The following DCC variants were observed in gnomAD, a reference collection of about 807,000 sequenced individuals.
The protein encoded by DCC is netrin receptor DCC.
Under a neutral mutation model 172.5 loss-of-function variants are expected in DCC, and 58 were observed. The observed-to-expected ratio is 0.34, with a 90% CI of 0.27 to 0.42. The LOEUF (loss-of-function observed/expected upper bound fraction) is 0.42, where lower values mean the gene tolerates loss of function less well. Ranked by LOEUF, DCC falls within the 10% of genes least tolerant of loss-of-function variation. DCC has a pLI of 1.00. For missense variants in DCC, 1,740 were observed against 1,791.0 expected (o/e 0.97, Z 0.51); for synonymous variants, 709 against 644.5 (o/e 1.10, Z -1.52).
Position 53,113,313 on chromosome 18 carries a change from G to A in DCC, c.1262-44043G>A, listed in dbSNP as rs191973812. ...CGTAAGATTTATTTTTATGTAGTTG[G>A]ATATAATTTATTAATTCGATTTCAA... On this transcript the variant is annotated intron_variant, in intron 7 of 28. Coordinates refer to ENST00000442544, the MANE Select transcript of DCC (RefSeq NM_005215.4). Among the ~76,000 whole-genome samples the A allele has an allele frequency of 1.9e-3, 283 of 151,458 alleles. 3 individuals are homozygous for A. The highest frequency in any genetic ancestry group is 0.016 in the South Asian group (79 of 4,818).
chr18:53,471,897 G>A (rs2045701056), intron 25 of DCC, among the ~76,000 whole-genome samples: 1 of 151,792 alleles, frequency 6.6e-6, no homozygotes, highest in African/African-American at 2.4e-5. Context: ...GTGGTTTTGT[G>A]TTTGTTATTT....
At chr18:52,396,616 C>T (rs1986240818) in intron 1 of DCC, among the ~76,000 whole-genome samples, 1 of 152,064 alleles carries the variant, frequency 6.6e-6, no homozygotes, top group African/African-American at 2.4e-5. Context: ...GCTTTTACAA[C>T]TCTCACTGGG....
intron 12 of DCC, among the ~76,000 whole-genome samples, chr18:53,241,019 T>C (rs764653878): frequency 6.6e-6 from 1 of 152,148 alleles, no homozygotes; most frequent in Non-Finnish European, 1.5e-5. Flanking sequence ...TCCTCAGCAA[T>C]ATTACTTACC....
chr18:52,818,826 C>T (rs2038351393), intron 2 of DCC, among the ~76,000 whole-genome samples: 1 of 152,080 alleles, frequency 6.6e-6, no homozygotes, highest in Non-Finnish European at 1.5e-5. Flanking sequence ...CCATTTGGTG[C>T]AATAAAGAAT....
At chr18:52,914,652 A>C (rs894989777) in intron 3 of DCC, among the ~76,000 whole-genome samples, 1 of 53,964 alleles carries the variant, frequency 1.9e-5, no homozygotes, top group African/African-American at 4.5e-5. Flanking sequence ...AGAATATTCT[A>C]AACACAGAGT....
At chr18:53,269,987 G>A (rs553952538) in intron 12 of DCC, among the ~76,000 whole-genome samples, 6 of 152,204 alleles carry the variant, frequency 3.9e-5, no homozygotes, top group Admixed American at 3.3e-4. Flanking sequence ...TTAAGGCAGG[G>A]TTTAGAAAAT....
At chr18:52,595,970 G>A (rs2033902473) in intron 1 of DCC, among the ~76,000 whole-genome samples, 1 of 152,110 alleles carries the variant, frequency 6.6e-6, no homozygotes, top group Admixed American at 6.5e-5. Flanking sequence ...TTCTCTTAAG[G>A]ACAACATATT....
intron 13 of DCC, among the ~76,000 whole-genome samples, chr18:53,309,748 C>T (rs556399448): frequency 1.8e-4 from 28 of 151,838 alleles, no homozygotes; most frequent in Non-Finnish European, 3.8e-4. Flanking sequence ...CTCACAAATG[C>T]CCATTTGCAT....
intron 5 of DCC, among the ~76,000 whole-genome samples, chr18:52,998,979 T>C (rs2041524507): frequency 6.6e-6 from 1 of 151,882 alleles, no homozygotes; most frequent in Non-Finnish European, 1.5e-5. Flanking sequence ...TAAAAGGGAG[T>C]GTGGACAAAT....
At chr18:52,814,920 A>C (rs9952947) in intron 2 of DCC, among the ~76,000 whole-genome samples, 3 of 152,132 alleles carry the variant, frequency 2.0e-5, no homozygotes, top group African/African-American at 7.2e-5. Flanking sequence ...TGGCTAAAAA[A>C]AATGAGGCTA....
intron 12 of DCC, among the ~76,000 whole-genome samples, chr18:53,230,592 A>T (rs183622514): frequency 6.6e-6 from 1 of 152,026 alleles, no homozygotes; most frequent in East Asian, 1.9e-4. Flanking sequence ...AAGAAGCCTT[A>T]TTTTTAAATA....
At chr18:52,354,061 G>T (rs1376787985) in intron 1 of DCC, among the ~76,000 whole-genome samples, 1 of 152,230 alleles carries the variant, frequency 6.6e-6, no homozygotes, top group Non-Finnish European at 1.5e-5. Flanking sequence ...GGCAGAGAGA[G>T]TGGGATATAC....
Position 53,307,131 on chromosome 18 carries a change from T to C in DCC, c.2053+1412T>C, listed in dbSNP as rs749010627. On this transcript the variant is annotated intron_variant, in intron 13 of 28. Transcript: ENST00000442544. The stretch of plus-strand genomic sequence containing the variant: ...TTCTTTTCTCTCAGGTTGTCTTTTA[T>C]GCCTATATAATTTTAGCATAATGGC... 3.3e-4 allele frequency among the ~76,000 whole-genome samples: 51 copies of C among 152,352 alleles called. 1 individual carries two copies. Among genetic ancestry groups the C allele is most frequent in the Non-Finnish European group, 4.4e-5 (3 of 68,026 alleles).
intron 2 of DCC, among the ~76,000 whole-genome samples, chr18:52,871,817 G>A (rs1471718928): frequency 6.6e-6 from 1 of 152,134 alleles, no homozygotes; most frequent in Non-Finnish European, 1.5e-5. Flanking sequence ...ATAGCAGAAG[G>A]TACACGAGTT....
At chr18:53,142,528 A>G (rs1187115885) in intron 7 of DCC, among the ~76,000 whole-genome samples, 1 of 152,168 alleles carries the variant, frequency 6.6e-6, no homozygotes, top group Non-Finnish European at 1.5e-5. Flanking sequence ...TTAGACAAAC[A>G]CTAGTGCTAA....
At position 52,917,211 on chromosome 18, in the gene DCC, T is replaced by C. The variant is rs536541531; in HGVS notation, c.698-6496T>C. Among the ~76,000 whole-genome samples the C allele has an allele frequency of 1.7e-3, 258 of 151,492 alleles. 2 individuals are homozygous for C. The highest frequency in any genetic ancestry group is 5.8e-3 in the African/African-American group (240 of 41,306). On this transcript the variant is annotated intron_variant, in intron 3 of 28. Coordinates refer to ENST00000442544, the MANE Select transcript of DCC (RefSeq NM_005215.4). ...GACATGTGCCTGTAGTCCCAGCTAT[T>C]TGGGAGGCTGAGGTGGAAGATGGCT...
At chr18:52,385,643 TTAG>T (rs201569864) in intron 1 of DCC, among the ~76,000 whole-genome samples, 129 of 151,760 alleles carry the variant, frequency 8.5e-4, no homozygotes, top group Middle Eastern at 3.4e-3. Flanking sequence ...GGTAGTAGTG[TTAG>T]TAGTAGTAGT....
chr18:52,452,794 A>G (rs558710215), intron 1 of DCC, among the ~76,000 whole-genome samples: 1 of 152,374 alleles, frequency 6.6e-6, no homozygotes, highest in South Asian at 2.1e-4. Context: ...TGTTTTCAAC[A>G]AAGAACCAGG....
At chr18:52,542,838 T>TA (rs550907167) in intron 1 of DCC, among the ~76,000 whole-genome samples, 9 of 147,048 alleles carry the variant, frequency 6.1e-5, no homozygotes, top group Admixed American at 2.0e-4. Context: ...AAACTCCATC[T>TA]AAAAAAAAAA....
Sources: gnomAD v4.1 joint callset for allele counts (sites outside exome capture counted in the v4.1 genomes callset) on GRCh38, gnomAD v4.1.1 for gene constraint, MANE v1.5 for transcripts, NCBI Gene and HGNC (gene_info 2026-07-23, HGNC 2026-07-21) for gene names.